CDH13: variants seen among roughly 807,000 people sequenced by gnomAD.
The protein encoded by CDH13 is cadherin-13.
Under a neutral mutation model 63.8 loss-of-function variants are expected in CDH13, and 24 were observed. The observed-to-expected ratio is 0.38, with a 90% confidence interval of 0.27 to 0.53. CDH13 has a LOEUF of 0.53. Among genes scored for constraint, CDH13 ranks in the 20% least tolerant of loss-of-function variants. The pLI is 0.85. For missense variants in CDH13, 1,049 were observed against 903.1 expected (o/e 1.16, Z -2.07); for synonymous variants, 503 against 355.3 (o/e 1.42, Z -4.67).
chr16:82,897,561 T>A (rs1353551008), intron 2 of CDH13, among the ~76,000 whole-genome samples: 1 of 152,208 alleles, frequency 6.6e-6, no homozygotes, highest in Non-Finnish European at 1.5e-5. Context: ...ATTTTATAGA[T>A]GAGGAAAATA....
chr16:83,397,593 A>C (rs1597922971), intron 6 of CDH13: 1 of 152,166 alleles, frequency 6.6e-6, no homozygotes, highest in South Asian at 2.1e-4. Flanking sequence ...TGTTGATCTG[A>C]TATCACCCCA....
chr16:82,850,749 AC>A (rs2039448129), intron 1 of CDH13, among the ~76,000 whole-genome samples: 1 of 152,138 alleles, frequency 6.6e-6, no homozygotes, highest in Admixed American at 6.5e-5. Flanking sequence ...CACAACCGCC[AC>A]CCTCATCACT....
chr16:83,777,618 A>T (rs247401), intron 11 of CDH13, among the ~76,000 whole-genome samples: 39,723 of 152,118 alleles, frequency 0.26, 5,527 homozygotes, highest in Non-Finnish European at 0.31. Context: ...TTCTGCCATG[A>T]CCTGCGCCAA....
At chr16:83,402,076 A>T (rs915447455) in intron 6 of CDH13, among the ~76,000 whole-genome samples, 32 of 152,150 alleles carry the variant, frequency 2.1e-4, no homozygotes, top group African/African-American at 5.8e-4. Flanking sequence ...TGTAGAGTAC[A>T]TAGGTGTTAG....
chr16:83,227,612 A>G (rs192941773), intron 5 of CDH13, among the ~76,000 whole-genome samples: 35 of 152,288 alleles, frequency 2.3e-4, no homozygotes, highest in African/African-American at 8.4e-4. Context: ...CAGATGCGTG[A>G]CTGCTCTGGA....
chr16:82,635,903 C>G (rs995709598), intron 1 of CDH13, among the ~76,000 whole-genome samples: 4 of 152,054 alleles, frequency 2.6e-5, no homozygotes, highest in African/African-American at 9.7e-5. Context: ...TTTGCGCCCC[C>G]TCTCTCTCCT....
intron 3 of CDH13, among the ~76,000 whole-genome samples, chr16:83,054,774 G>A (rs763198023): frequency 1.3e-5 from 2 of 152,018 alleles, no homozygotes; most frequent in East Asian, 1.9e-4. Flanking sequence ...CTACATAGCT[G>A]ATATAACAAG....
rs548063520 is a variant in CDH13 at position 83,778,765 on chromosome 16, G to A, written c.1682-1203G>A. Reference sequence around the variant, plus strand: ...TTTCTAAATCTGTCCTGTCCAGCAGGGTCAGCCATCCCAGCCCCCAGTGGC... The same window carrying A: ...TTTCTAAATCTGTCCTGTCCAGCAGAGTCAGCCATCCCAGCCCCCAGTGGC... On this transcript the variant is annotated intron_variant, in intron 11 of 13. Transcript: ENST00000567109. 2.3e-3 allele frequency among the ~76,000 whole-genome samples: 353 copies of A among 152,126 alleles called. 2 individuals carry two copies. Among genetic ancestry groups the A allele is most frequent in the Non-Finnish European group, 2.6e-3 (175 of 67,992 alleles).
chr16:83,281,763 C>T (rs1035853506), intron 5 of CDH13, among the ~76,000 whole-genome samples: 30 of 147,926 alleles, frequency 2.0e-4, no homozygotes, highest in African/African-American at 5.6e-4. Context: ...AAAAAAAAAA[C>T]GTAGCCAAGC....
At chr16:83,302,959 A>G (rs1021335647) in intron 5 of CDH13, among the ~76,000 whole-genome samples, 3 of 152,188 alleles carry the variant, frequency 2.0e-5, no homozygotes, top group Non-Finnish European at 2.9e-5. Context: ...AAATCTCATC[A>G]AGGTATTCGG....
intron 12 of CDH13, 117 bp from the exon 13 acceptor site, chr16:83,783,137 G>A (rs1038481122): frequency 1.1e-5 from 8 of 699,542 alleles, no homozygotes; most frequent in Non-Finnish European, 1.8e-5. Flanking sequence ...GTAAGCATTC[G>A]CACAATTATA....
At chr16:82,871,765 A>G (rs2040349105) in intron 2 of CDH13, among the ~76,000 whole-genome samples, 2 of 152,150 alleles carry the variant, frequency 1.3e-5, no homozygotes, top group South Asian at 2.1e-4. Context: ...TGCATTAATG[A>G]TATCCTCAAT....
chr16:82,664,201 C>G (rs1399189597), intron 1 of CDH13, among the ~76,000 whole-genome samples: 3 of 152,236 alleles, frequency 2.0e-5, no homozygotes, highest in South Asian at 2.1e-4. Flanking sequence ...TTACTTTTCA[C>G]TAAATTGTGC....
chr16:82,930,714 T>G (rs1466847295), intron 2 of CDH13, among the ~76,000 whole-genome samples: 1 of 152,176 alleles, frequency 6.6e-6, no homozygotes. Flanking sequence ...GATATTAAAC[T>G]AAGCACTTAA....
intron 2 of CDH13, among the ~76,000 whole-genome samples, chr16:82,924,502 G>A (rs1410257043): frequency 6.6e-6 from 1 of 152,124 alleles, no homozygotes; most frequent in African/African-American, 2.4e-5. Context: ...TGCATTTGTG[G>A]CTTTTATTTC....
At chr16:82,716,344 G>T (rs1019780040) in intron 1 of CDH13, among the ~76,000 whole-genome samples, 8 of 152,018 alleles carry the variant, frequency 5.3e-5, no homozygotes, top group Admixed American at 4.6e-4. Context: ...TGTCACCTTT[G>T]CAGAGAGAGA....
intron 1 of CDH13, among the ~76,000 whole-genome samples, chr16:82,798,195 A>G (rs2036680947): frequency 6.6e-6 from 1 of 152,234 alleles, no homozygotes; most frequent in South Asian, 2.1e-4. Flanking sequence ...TCATTTAATC[A>G]GAAAAATGAC....
chr16:83,018,819 A>G (rs1467170340), intron 2 of CDH13, among the ~76,000 whole-genome samples: 1 of 152,246 alleles, frequency 6.6e-6, no homozygotes, highest in African/African-American at 2.4e-5. Context: ...ATTGTAACAC[A>G]ATGGCAAGTG....
chr16:82,846,825 A>T (rs2039278241), intron 1 of CDH13, among the ~76,000 whole-genome samples: 1 of 152,236 alleles, frequency 6.6e-6, no homozygotes, highest in Non-Finnish European at 1.5e-5. Flanking sequence ...GAACCTGATG[A>T]TGCTGTCATA....
Sources: allele counts gnomAD v4.1 joint callset (sites outside exome capture counted in the v4.1 genomes callset), GRCh38; gene constraint gnomAD v4.1.1; transcripts MANE v1.5; gene names NCBI Gene and HGNC (gene_info 2026-07-23, HGNC 2026-07-21).